Variants in MALT1 observed in about 807,000 individuals in gnomAD.
MALT1 encodes the protein mucosa-associated lymphoid tissue lymphoma translocation protein 1.
Under a neutral mutation model 85.5 loss-of-function variants are expected in MALT1, and 36 were observed. The ratio of observed to expected loss-of-function variants is 0.42; its 90% confidence interval spans 0.32 to 0.56. MALT1 has a LOEUF of 0.56. MALT1 is among the 20% of genes least tolerant of loss of function. The probability of loss-of-function intolerance (pLI) is 0.10; values close to 1 mark genes in which losing one functional copy is unlikely to be tolerated. For missense variants in MALT1, 716 were observed against 981.6 expected (o/e 0.73, Z 3.62); for synonymous variants, 359 against 361.3 (o/e 0.99, Z 0.07).
intron 15 of MALT1, 35 bp downstream of exon 15, chr18:58,744,530 T>C (rs375360680): frequency 9.9e-5 from 139 of 1,403,646 alleles, no homozygotes; most frequent in Non-Finnish European, 1.3e-4. Flanking sequence ...TACAGTGATA[T>C]ATTCTCACTT....
chr18:58,686,403 C>T (rs979232922), intron 2 of MALT1, among the ~76,000 whole-genome samples: 1 of 152,200 alleles, frequency 6.6e-6, no homozygotes, highest in Non-Finnish European at 1.5e-5. Flanking sequence ...TTACATACAT[C>T]ACGAAATGGT....
chr18:58,703,023 C>T (rs1017869928), intron 4 of MALT1, among the ~76,000 whole-genome samples: 1 of 152,168 alleles, frequency 6.6e-6, no homozygotes, highest in Non-Finnish European at 1.5e-5. Flanking sequence ...TTTTCTCTCA[C>T]TTTAGTCTTC....
intron 1 of MALT1, chr18:58,674,198 CA>C (rs2054207403): frequency 6.6e-6 from 1 of 152,252 alleles, no homozygotes; most frequent in African/African-American, 2.4e-5. Flanking sequence ...AATCCAAAAG[CA>C]GCGGATACTT....
intron 2 of MALT1, among the ~76,000 whole-genome samples, chr18:58,689,441 G>T (rs986551142): frequency 1.3e-5 from 2 of 152,194 alleles, no homozygotes; most frequent in African/African-American, 4.8e-5. Flanking sequence ...ACTTGCTGCT[G>T]TAGTAATTTC....
chr18:58,747,249 T>C (rs1184550290), intron 16 of MALT1, among the ~76,000 whole-genome samples, 156 bp from the exon 17 acceptor site: 1 of 152,138 alleles, frequency 6.6e-6, no homozygotes, highest in African/African-American at 2.4e-5. Flanking sequence ...CGTTTCTCAG[T>C]TTCAGGGAGA....
At chr18:58,735,859 A>G (rs2055215197) in intron 13 of MALT1, among the ~76,000 whole-genome samples, 1 of 152,210 alleles carries the variant, frequency 6.6e-6, no homozygotes, top group South Asian at 2.1e-4. Flanking sequence ...GTCTAATGCC[A>G]CATCTTCCAT....
At chr18:58,739,454 G>T (rs1016207993) in intron 13 of MALT1, among the ~76,000 whole-genome samples, 2 of 152,174 alleles carry the variant, frequency 1.3e-5, no homozygotes, top group African/African-American at 4.8e-5. Flanking sequence ...GTCAACTTTT[G>T]CCAGGCCTCA....
chr18:58,703,237 A>G (rs1243704511), intron 4 of MALT1, among the ~76,000 whole-genome samples: 42 of 152,084 alleles, frequency 2.8e-4, no homozygotes, highest in Admixed American at 2.6e-3. Context: ...CGTGACTGTA[A>G]TCCCAGCTAC....
At chr18:58,689,087 C>T (rs1458359379) in intron 2 of MALT1, among the ~76,000 whole-genome samples, 1 of 152,014 alleles carries the variant, frequency 6.6e-6, no homozygotes, top group East Asian at 1.9e-4. Flanking sequence ...AGGAGGTTGA[C>T]ACTGCAGTGA....
rs751939084 is a variant in MALT1 at position 58,742,047 on chromosome 18, A to T, written c.1753+33A>T. The T allele has an allele frequency of 4.9e-6, 7 of 1,430,400 alleles. No individual in the cohort carries two copies. The African/African-American group carries it at 8.4e-5, about 17-fold the overall frequency. 88.6% of individuals were successfully genotyped at this position (1,430,400 alleles called of 1,614,324 possible). Reference sequence around the variant, plus strand: ...AAAGCCCATTTTTTGTTAGATCTACAATATACTTAACGTTAAATCATAAAG... The same window carrying T: ...AAAGCCCATTTTTTGTTAGATCTACTATATACTTAACGTTAAATCATAAAG... On this transcript the variant is annotated intron_variant, in intron 14 of 16. Transcript: ENST00000649217.
At chr18:58,710,277 A>G (rs2144389851) in intron 6 of MALT1, among the ~76,000 whole-genome samples, 1 of 152,340 alleles carries the variant, frequency 6.6e-6, no homozygotes, top group East Asian at 1.9e-4. Context: ...AGCAAAAAGA[A>G]TCAGGAAAAA....
intron 9 of MALT1, among the ~76,000 whole-genome samples, chr18:58,718,408 C>T (rs2054933587): frequency 1.3e-5 from 2 of 152,214 alleles, no homozygotes; most frequent in African/African-American, 4.8e-5. Context: ...AACTGAGACA[C>T]ACAGCAGGAG....
intron 2 of MALT1, among the ~76,000 whole-genome samples, chr18:58,684,312 C>G (rs903150205): frequency 1.3e-5 from 2 of 151,870 alleles, no homozygotes; most frequent in African/African-American, 4.8e-5. Context: ...TTGGTTGTTG[C>G]TTGAATGTTA....
Position 58,734,364 on chromosome 18 carries a change from T to C in MALT1, c.1458T>C (p.Ile486=). 1 of 1,612,730 alleles carries C rather than the reference T, an allele frequency of 6.2e-7. No homozygotes were observed. The highest frequency in any genetic ancestry group is 2.2e-5 in the East Asian group (1 of 44,876). The change falls in exon 12 of 17, where the codon ATT becomes ATC. Residue 486 remains isoleucine, a synonymous_variant. Transcript: ENST00000649217. Reference sequence around the variant, plus strand: ...ATGCACTAAAAGTCACCGCCAATATTGTGTTTGGATATGCCACGTAAGAAC... The same window carrying C: ...ATGCACTAAAAGTCACCGCCAATATCGTGTTTGGATATGCCACGTAAGAAC... ...ILDALKVTAN[I]VFGYATCQGA...
chr18:58,736,636 T>C (rs2055225326), intron 13 of MALT1, among the ~76,000 whole-genome samples: 1 of 152,244 alleles, frequency 6.6e-6, no homozygotes, highest in Non-Finnish European at 1.5e-5. Context: ...GTCATAGCAA[T>C]GAATGGCATC....
At position 58,749,336 on chromosome 18, in the gene MALT1, G is replaced by A. The variant is rs1348485635; in HGVS notation, c.*1494G>A. ...CTTATTTTACAGAAGTGAAAGTGAG[G>A]TATCAGAAGTGTTAAGTGACATGCC... On this transcript the variant is annotated 3_prime_UTR_variant, in exon 17 of 17. Coordinates refer to ENST00000649217, the MANE Select transcript of MALT1 (RefSeq NM_006785.4). The A allele has an allele frequency of 9.2e-6, 2 of 216,940 alleles. No individual in the cohort carries two copies. The highest frequency in any genetic ancestry group is 1.4e-4 in the East Asian group (2 of 14,544). 13.4% of individuals were successfully genotyped at this position (216,940 alleles called of 1,614,324 possible). A position where few individuals can be genotyped will look rare whatever the true frequency, so the allele number is the denominator to read the frequency against.
rs751434443 is a variant in MALT1 at position 58,727,616 on chromosome 18, G to GTTTTTTTTTTTTTT, written c.1222+4376_1222+4377insTTTTTTTTTTTTTT. On this transcript the variant is annotated intron_variant, in intron 10 of 16. Coordinates refer to ENST00000649217, the MANE Select transcript of MALT1 (RefSeq NM_006785.4). ...ACCCAGCCTGCCAAAGGTTTTTTGT[G>GTTTTTTTTTTTTTT]TTTTTTTTTTTGTTTTTTTTTTTTT... Among the ~76,000 whole-genome samples the GTTTTTTTTTTTTTT allele has an allele frequency of 4.5e-3, 548 of 121,106 alleles. 40 individuals carry two copies. Among genetic ancestry groups the GTTTTTTTTTTTTTT allele is most frequent in the African/African-American group, 0.014 (441 of 30,548 alleles). 79.5% of individuals were successfully genotyped at this position (121,106 alleles called of 152,430 possible).
intron 4 of MALT1, among the ~76,000 whole-genome samples, chr18:58,701,793 T>C (rs962644846): frequency 1.3e-5 from 2 of 152,244 alleles, no homozygotes; most frequent in Non-Finnish European, 2.9e-5. Context: ...ATATTTTGGT[T>C]GTTTGTGTTG....
At chr18:58,701,131 A>C (rs1196859966) in intron 4 of MALT1, among the ~76,000 whole-genome samples, 1 of 126,412 alleles carries the variant, frequency 7.9e-6, no homozygotes, top group Non-Finnish European at 1.9e-5. Context: ...GCGCACGTTC[A>C]CACATGCACA....
Sources: gnomAD v4.1 joint callset for allele counts (sites outside exome capture counted in the v4.1 genomes callset) on GRCh38, gnomAD v4.1.1 for gene constraint, MANE v1.5 for transcripts, NCBI Gene and HGNC (gene_info 2026-07-23, HGNC 2026-07-21) for gene names.